The following EIF4EBP1 variants were observed in gnomAD, a reference collection of about 807,000 sequenced individuals.
EIF4EBP1 encodes the protein eukaryotic translation initiation factor 4E binding protein 1.
Under a neutral mutation model 9.2 loss-of-function variants are expected in EIF4EBP1, and 5 were observed. The ratio of observed to expected loss-of-function variants is 0.54; its 90% CI spans 0.28 to 1.14. EIF4EBP1 has a LOEUF of 1.14. Ranked by LOEUF, EIF4EBP1 falls within the 50% of genes most tolerant of loss-of-function variation. The pLI is 0.09. For missense variants in EIF4EBP1, 139 were observed against 169.6 expected, an observed-to-expected ratio of 0.82 and a Z score of 1.00; for synonymous variants, 62 against 67.0, an observed-to-expected ratio of 0.93 and a Z score of 0.36.
At position 38,051,802 on chromosome 8, in the gene EIF4EBP1, G is replaced by A. The variant is rs1315692814; in HGVS notation, c.146-5279G>A. 2.6e-5 allele frequency among the ~76,000 whole-genome samples: 4 copies of A among 152,184 alleles called. No individual in the cohort carries two copies. The East Asian group carries it at 7.7e-4, about 29-fold the overall frequency. On this transcript the variant is annotated intron_variant, in intron 1 of 2. Transcript: ENST00000338825. ...AATAGAGGCGGGATTTCGCCATGTTGGCCAGGCTGGTCTCGAACTCCTGAC... is the reference window on the plus strand; with the variant it reads ...AATAGAGGCGGGATTTCGCCATGTTAGCCAGGCTGGTCTCGAACTCCTGAC...
chr8:38,060,033 C>A lies in EIF4EBP1; in HGVS notation c.*98C>A. ...GCCTTATGAAAGTGATCATACTGGG[C>A]AGGCGTTGGCGTGGGGTCGGACACC... On this transcript the variant is annotated 3_prime_UTR_variant, in exon 3 of 3. Coordinates refer to ENST00000338825, the MANE Select transcript of EIF4EBP1 (RefSeq NM_004095.4). 7.7e-7 allele frequency: 1 copy of A among 1,293,040 alleles called. No homozygotes were observed. Among genetic ancestry groups the A allele is most frequent in the Non-Finnish European group, 1.1e-6 (1 of 888,638 alleles). The allele number at this position is 1,293,040 out of a possible 1,614,324, so 80.1% of individuals were successfully genotyped here.
chr8:38,054,891 A>G (rs1809575531), intron 1 of EIF4EBP1, among the ~76,000 whole-genome samples: 1 of 152,144 alleles, frequency 6.6e-6, no homozygotes, highest in Non-Finnish European at 1.5e-5. Context: ...TGGAGGCCCA[A>G]AACAGGGGGT....
Position 38,030,756 on chromosome 8 carries a change from G to A in EIF4EBP1, c.145+38G>A, listed in dbSNP as rs988706574. On this transcript the variant is annotated intron_variant, in intron 1 of 2. Transcript: ENST00000338825. ...TTGGCGACGCCGCTTGCCGGCTCCT[G>A]GGCGGGCGGGAGGATCGGGAATCGC... 8.0e-6 allele frequency: 11 copies of A among 1,375,876 alleles called. No homozygotes were observed. In the African/African-American group the frequency reaches 1.7e-4, roughly 21 times the overall value. The allele number at this position is 1,375,876 out of a possible 1,614,324, so 85.2% of individuals were successfully genotyped here.
intron 1 of EIF4EBP1, among the ~76,000 whole-genome samples, chr8:38,035,567 C>T (rs1038228566): frequency 2.0e-5 from 3 of 151,752 alleles, no homozygotes; most frequent in South Asian, 4.2e-4. Context: ...CTAACTCTGT[C>T]GCCCAGGCTA....
At chr8:38,044,905 G>C (rs1047571026) in intron 1 of EIF4EBP1, among the ~76,000 whole-genome samples, 3 of 152,170 alleles carry the variant, frequency 2.0e-5, no homozygotes, top group African/African-American at 7.2e-5. Flanking sequence ...CAGGCTGTGA[G>C]CACAGACCGG....
intron 1 of EIF4EBP1, among the ~76,000 whole-genome samples, chr8:38,054,178 T>C (rs187916712): frequency 7.2e-5 from 11 of 152,098 alleles, no homozygotes; most frequent in African/African-American, 2.2e-4. Flanking sequence ...ACAAAAAAAG[T>C]GTGGCTCATG....
chr8:38,040,866 C>CTGTTGCTGT, intron 1 of EIF4EBP1, among the ~76,000 whole-genome samples: 1 of 151,572 alleles, frequency 6.6e-6, no homozygotes, highest in South Asian at 2.1e-4. Flanking sequence ...AAATACATGC[C>CTGTTGCTGT]TGTTGTTGTT....
chr8:38,057,955 C>T (rs999720678), intron 2 of EIF4EBP1, among the ~76,000 whole-genome samples: 14 of 152,256 alleles, frequency 9.2e-5, no homozygotes, highest in Non-Finnish European at 1.2e-4. Flanking sequence ...TAAGCACTTC[C>T]GGGCAACTAT....
chr8:38,052,503 C>A (rs1368370592), intron 1 of EIF4EBP1, among the ~76,000 whole-genome samples: 1 of 151,982 alleles, frequency 6.6e-6, no homozygotes, highest in East Asian at 1.9e-4. Context: ...CCGAGGCAGG[C>A]GGATCACCTG....
intron 1 of EIF4EBP1, among the ~76,000 whole-genome samples, chr8:38,034,595 G>A (rs1809274287): frequency 6.6e-6 from 1 of 152,156 alleles, no homozygotes; most frequent in Admixed American, 6.6e-5. Context: ...TTGCATGTTT[G>A]ACTCTGAAGC....
chr8:38,044,872 AG>A (rs1477435479), intron 1 of EIF4EBP1, among the ~76,000 whole-genome samples: 2 of 152,110 alleles, frequency 1.3e-5, no homozygotes, highest in Non-Finnish European at 2.9e-5. Flanking sequence ...GGGAGTTGTA[AG>A]GGGGAATAAG....
Sources: gnomAD v4.1 joint callset for allele counts (sites outside exome capture counted in the v4.1 genomes callset) on GRCh38, gnomAD v4.1.1 for gene constraint, MANE v1.5 for transcripts, NCBI Gene and HGNC (gene_info 2026-07-23, HGNC 2026-07-21) for gene names.